ATG10: variants seen among roughly 807,000 people sequenced by gnomAD.
The protein encoded by ATG10 is ubiquitin-like-conjugating enzyme ATG10.
Under a neutral mutation model 32.1 loss-of-function variants are expected in ATG10, and 30 were observed. The ratio of observed to expected loss-of-function variants is 0.94; its 90% CI spans 0.70 to 1.27. The LOEUF (loss-of-function observed/expected upper bound fraction) is 1.27, where lower values mean the gene tolerates loss of function less well. ATG10 is among the 50% of genes most tolerant of loss of function. The probability of loss-of-function intolerance (pLI) is 0.00; values close to 1 mark genes in which losing one functional copy is unlikely to be tolerated. For missense variants in ATG10, 233 were observed against 262.3 expected (o/e 0.89, Z 0.77); for synonymous variants, 87 against 91.5 (o/e 0.95, Z 0.28).
At chr5:82,072,627 A>G (rs780849663) in intron 3 of ATG10, among the ~76,000 whole-genome samples, 3 of 152,190 alleles carry the variant, frequency 2.0e-5, no homozygotes, top group Non-Finnish European at 2.9e-5. Flanking sequence ...TTCAGAATAT[A>G]CATACATGCA....
intron 3 of ATG10, among the ~76,000 whole-genome samples, chr5:82,115,337 C>T (rs1456462252): frequency 6.6e-6 from 1 of 152,004 alleles, no homozygotes; most frequent in African/African-American, 2.4e-5. Flanking sequence ...GATGAAGTTA[C>T]ATGATACCTA....
intron 3 of ATG10, among the ~76,000 whole-genome samples, chr5:82,085,937 A>G (rs986172124): frequency 6.6e-6 from 1 of 152,180 alleles, no homozygotes; most frequent in Non-Finnish European, 1.5e-5. Context: ...TTATTACAGT[A>G]TACATTTTGG....
intron 2 of ATG10, among the ~76,000 whole-genome samples, chr5:82,019,139 A>C (rs1344976716): frequency 6.6e-6 from 1 of 152,204 alleles, no homozygotes; most frequent in Non-Finnish European, 1.5e-5. Flanking sequence ...CAAAAGTTTT[A>C]TTTGAAAAAT....
chr5:82,183,954 AGACAT>A (rs1413709787), intron 5 of ATG10, among the ~76,000 whole-genome samples: 9 of 152,198 alleles, frequency 5.9e-5, no homozygotes, highest in Non-Finnish European at 1.3e-4. Flanking sequence ...GTCTGGCCAA[AGACAT>A]TGGCTCCTGA....
intron 3 of ATG10, among the ~76,000 whole-genome samples, chr5:82,074,926 G>A (rs1238689370): frequency 1.3e-5 from 2 of 152,160 alleles, no homozygotes; most frequent in African/African-American, 4.8e-5. Flanking sequence ...TAACCAAAAA[G>A]GGTTTCAATG....
intron 2 of ATG10, among the ~76,000 whole-genome samples, chr5:81,999,039 C>T (rs1761755321): frequency 6.6e-6 from 1 of 151,550 alleles, no homozygotes; most frequent in Admixed American, 6.6e-5. Flanking sequence ...GACCAAAAGA[C>T]ATCTACAGAA....
At chr5:82,168,649 A>AT (rs1290046364) in intron 4 of ATG10, among the ~76,000 whole-genome samples, 1 of 152,200 alleles carries the variant, frequency 6.6e-6, no homozygotes, top group Admixed American at 6.5e-5. Context: ...CATGTGAAAG[A>AT]TTTGTCCACT....
chr5:82,232,105 A>C (rs1405135320), intron 5 of ATG10, among the ~76,000 whole-genome samples: 1 of 152,152 alleles, frequency 6.6e-6, no homozygotes, highest in Non-Finnish European at 1.5e-5. Context: ...GTATTCTTGG[A>C]AATCTTTGAA....
intron 3 of ATG10, among the ~76,000 whole-genome samples, chr5:82,069,841 C>T (rs1764063807): frequency 6.6e-6 from 1 of 151,936 alleles, no homozygotes; most frequent in Admixed American, 6.6e-5. Context: ...AATAATTTTA[C>T]CTTAAAGCAA....
intron 3 of ATG10, among the ~76,000 whole-genome samples, chr5:82,119,248 T>G (rs866250432): frequency 6.6e-6 from 1 of 152,340 alleles, no homozygotes. Flanking sequence ...CTGTTTTTTC[T>G]ACAGATTTTT....
intron 5 of ATG10, among the ~76,000 whole-genome samples, chr5:82,220,754 TTCTC>T (rs973170843): frequency 6.7e-6 from 1 of 148,508 alleles, no homozygotes. Context: ...ATCTCTCTCT[TTCTC>T]TCTCTTTTTT....
At position 82,178,822 on chromosome 5, in the gene ATG10, C is replaced by A. The variant is rs556600221; in HGVS notation, c.453+235C>A. On this transcript the variant is annotated intron_variant, in intron 5 of 7. Coordinates refer to ENST00000282185, the MANE Select transcript of ATG10 (RefSeq NM_031482.5). ...ATAATTATCCTTTAGAATGCTTATT[C>A]CAATTTTAAATTACATATTAGGATG... Among the ~76,000 whole-genome samples the A allele has an allele frequency of 6.6e-5, 10 of 152,076 alleles. No individual in the cohort carries two copies. The East Asian group carries it at 1.9e-3, about 29-fold the overall frequency.
chr5:82,011,996 A>T (rs1164686946), intron 2 of ATG10, among the ~76,000 whole-genome samples: 1 of 152,160 alleles, frequency 6.6e-6, no homozygotes, highest in Non-Finnish European at 1.5e-5. Flanking sequence ...CAGGCTTGCT[A>T]CAGAGATTGC....
intron 3 of ATG10, among the ~76,000 whole-genome samples, chr5:82,123,248 C>G (rs879501988): frequency 2.6e-5 from 4 of 152,150 alleles, no homozygotes; most frequent in Non-Finnish European, 1.5e-5. Flanking sequence ...TTATCCTTAG[C>G]AAACTAATGC....
chr5:82,208,079 A>T (rs1238606363), intron 5 of ATG10, among the ~76,000 whole-genome samples: 2 of 152,164 alleles, frequency 1.3e-5, no homozygotes, highest in Non-Finnish European at 2.9e-5. Context: ...TATGAAAAAG[A>T]TTGTGCTTTC....
In ATG10 at chr5:82,195,959, C is replaced by T. The variant is rs747014722; in HGVS notation, c.453+17372C>T. The stretch of plus-strand genomic sequence containing the variant: ...GATTTAATTTCAAGTAACTACCAAA[C>T]TAAGTTTTACAGAGGCATCACCATT... On this transcript the variant is annotated intron_variant, in intron 5 of 7. Transcript: ENST00000282185. Among the ~76,000 whole-genome samples, 104 of 152,218 alleles carry T rather than the reference C, an allele frequency of 6.8e-4. 1 individual carries two copies. The highest frequency in any genetic ancestry group is 7.5e-4 in the Non-Finnish European group (51 of 68,040).
chr5:82,000,163 T>C (rs1254235580), intron 2 of ATG10, among the ~76,000 whole-genome samples: 2 of 152,192 alleles, frequency 1.3e-5, no homozygotes, highest in African/African-American at 4.8e-5. Context: ...TGGTTCAGCA[T>C]ATGCAAATCA....
intron 1 of ATG10, among the ~76,000 whole-genome samples, chr5:81,974,398 A>G (rs1760813084): frequency 6.6e-6 from 1 of 152,220 alleles, no homozygotes; most frequent in South Asian, 2.1e-4. Context: ...GACTTCTCTA[A>G]TGTGCTTACC....
intron 4 of ATG10, among the ~76,000 whole-genome samples, chr5:82,171,681 T>C (rs1384474553): frequency 2.6e-5 from 4 of 152,244 alleles, no homozygotes. Flanking sequence ...CTGCATCTGC[T>C]TAATGCTATG....
Sources: allele counts gnomAD v4.1 joint callset (sites outside exome capture counted in the v4.1 genomes callset), GRCh38; gene constraint gnomAD v4.1.1; transcripts MANE v1.5; gene names NCBI Gene and HGNC (gene_info 2026-07-23, HGNC 2026-07-21).